GRIA2: variants seen among roughly 807,000 people sequenced by gnomAD.
GRIA2 encodes the protein glutamate ionotropic receptor AMPA type subunit 2.
A neutral mutation model predicts 97.3 loss-of-function variants in GRIA2; 14 were observed. The ratio of observed to expected loss-of-function variants is 0.14; its 90% CI spans 0.10 to 0.23. The LOEUF (loss-of-function observed/expected upper bound fraction) is 0.23, where lower values mean the gene tolerates loss of function less well. Among genes scored for constraint, GRIA2 ranks in the 10% least tolerant of loss-of-function variants. The probability of loss-of-function intolerance (pLI) is 1.00; values close to 1 mark genes in which losing one functional copy is unlikely to be tolerated. For synonymous variants in GRIA2, 412 were observed against 387.8 expected (o/e 1.06, Z -0.73); for missense variants, 558 against 1,069.8 (o/e 0.52, Z 6.67).
At chr4:157,294,986 C>T (rs1406570127) in intron 2 of GRIA2, among the ~76,000 whole-genome samples, 1 of 152,096 alleles carries the variant, frequency 6.6e-6, no homozygotes, top group Non-Finnish European at 1.5e-5. Flanking sequence ...TGTGAAATAG[C>T]GCCTGATACA....
intron 2 of GRIA2, among the ~76,000 whole-genome samples, chr4:157,240,576 T>C (rs1730460345): frequency 6.6e-6 from 1 of 152,116 alleles, no homozygotes; most frequent in Non-Finnish European, 1.5e-5. Flanking sequence ...CTAATCTTAT[T>C]GCACTGCCCG....
At chr4:157,248,780 C>CTATATATA (rs36210142) in intron 2 of GRIA2, among the ~76,000 whole-genome samples, 2 of 122,344 alleles carry the variant, frequency 1.6e-5, no homozygotes, top group African/African-American at 6.3e-5. Flanking sequence ...CTTTCTTTCA[C>CTATATATA]TATATATATA....
chr4:157,277,648 T>C (rs1732385046), intron 2 of GRIA2, among the ~76,000 whole-genome samples: 1 of 151,246 alleles, frequency 6.6e-6, no homozygotes, highest in Admixed American at 6.6e-5. Flanking sequence ...CAAAATAAAC[T>C]CCTGGAACTA....
At chr4:157,233,953 A>G (rs1730132688) in intron 2 of GRIA2, among the ~76,000 whole-genome samples, 1 of 152,190 alleles carries the variant, frequency 6.6e-6, no homozygotes, top group Non-Finnish European at 1.5e-5. Flanking sequence ...GCTTTTGGCT[A>G]CAAAACAAGT....
chr4:157,247,689 G>T (rs549356814), intron 2 of GRIA2, among the ~76,000 whole-genome samples: 5 of 152,186 alleles, frequency 3.3e-5, no homozygotes, highest in African/African-American at 1.2e-4. Flanking sequence ...TTAGCTCTGG[G>T]GAGAAAGCTG....
chr4:157,339,995 T>C (rs1375287104), intron 11 of GRIA2, among the ~76,000 whole-genome samples: 1 of 151,930 alleles, frequency 6.6e-6, no homozygotes, highest in East Asian at 1.9e-4. Context: ...TTTTGTTATT[T>C]CTTGCTATTT....
intron 3 of GRIA2, among the ~76,000 whole-genome samples, chr4:157,311,714 T>A (rs569929764): frequency 3.9e-4 from 60 of 152,066 alleles, no homozygotes; most frequent in South Asian, 1.5e-3. Context: ...ATTTGCTGAG[T>A]TCTGGATTCA....
chr4:157,297,788 T>C (rs1733417909), intron 2 of GRIA2, among the ~76,000 whole-genome samples: 1 of 152,168 alleles, frequency 6.6e-6, no homozygotes, highest in African/African-American at 2.4e-5. Context: ...CTTTTTTCTT[T>C]TTTTATTCTA....
intron 6 of GRIA2, among the ~76,000 whole-genome samples, chr4:157,323,757 G>C (rs1734689252): frequency 6.6e-6 from 1 of 152,188 alleles, no homozygotes; most frequent in Non-Finnish European, 1.5e-5. Context: ...TGTGAGAGAT[G>C]TTTGGCAATG....
chr4:157,259,458 C>A (rs890263311), intron 2 of GRIA2, among the ~76,000 whole-genome samples: 1 of 152,090 alleles, frequency 6.6e-6, no homozygotes, highest in African/African-American at 2.4e-5. Flanking sequence ...GCTATCCAGG[C>A]AATTCAAGCT....
chr4:157,283,112 A>G (rs1560746182), intron 2 of GRIA2, among the ~76,000 whole-genome samples: 1 of 152,042 alleles, frequency 6.6e-6, no homozygotes, highest in Admixed American at 6.6e-5. Flanking sequence ...CTTTCCTATT[A>G]TATTTTTTCA....
At chr4:157,309,781 A>G (rs944853016) in intron 3 of GRIA2, among the ~76,000 whole-genome samples, 10 of 152,326 alleles carry the variant, frequency 6.6e-5, no homozygotes, top group African/African-American at 2.4e-4. Flanking sequence ...TCAAAAGTTG[A>G]GACATAATAT....
chr4:157,275,412 C>T (rs1203330608), intron 2 of GRIA2, among the ~76,000 whole-genome samples: 1 of 152,228 alleles, frequency 6.6e-6, no homozygotes, highest in East Asian at 1.9e-4. Flanking sequence ...GTTGCCATTG[C>T]TTTTGGTGTT....
chr4:157,222,422 C>G (rs955428957), intron 2 of GRIA2, among the ~76,000 whole-genome samples: 11 of 151,870 alleles, frequency 7.2e-5, no homozygotes, highest in South Asian at 4.2e-4. Flanking sequence ...AACGCCCACC[C>G]GAGGGGCGAG....
At chr4:157,353,808 T>C (rs1039480121) in intron 12 of GRIA2, among the ~76,000 whole-genome samples, 2 of 152,184 alleles carry the variant, frequency 1.3e-5, no homozygotes, top group African/African-American at 4.8e-5. Flanking sequence ...TACAATTTAA[T>C]GCAAATCTTG....
chr4:157,238,138 A>G (rs901489526), intron 2 of GRIA2, among the ~76,000 whole-genome samples: 1 of 152,148 alleles, frequency 6.6e-6, no homozygotes, highest in African/African-American at 2.4e-5. Context: ...TGCTCTACCT[A>G]AAGCCAAATA....
chr4:157,300,232 G>A (rs1439611643), intron 2 of GRIA2, among the ~76,000 whole-genome samples: 2 of 152,100 alleles, frequency 1.3e-5, no homozygotes, highest in Admixed American at 6.5e-5. Flanking sequence ...TAATTCCAAA[G>A]TACTGCAGCT....
At chr4:157,246,438 A>G (rs559289398) in intron 2 of GRIA2, among the ~76,000 whole-genome samples, 2 of 152,250 alleles carry the variant, frequency 1.3e-5, no homozygotes, top group Non-Finnish European at 2.9e-5. Flanking sequence ...ATTTACTCAC[A>G]TGAAAAAATG....
intron 12 of GRIA2, among the ~76,000 whole-genome samples, chr4:157,350,031 T>C (rs1735939732): frequency 6.6e-6 from 1 of 152,200 alleles, no homozygotes; most frequent in South Asian, 2.1e-4. Context: ...ATGTACCTTA[T>C]GAATTCGTTA....
Sources: allele counts gnomAD v4.1 joint callset (sites outside exome capture counted in the v4.1 genomes callset), GRCh38; gene constraint gnomAD v4.1.1; transcripts MANE v1.5; gene names NCBI Gene and HGNC (gene_info 2026-07-23, HGNC 2026-07-21).